Variants in ASPH observed in about 807,000 individuals in gnomAD.
ASPH encodes aspartyl/asparaginyl beta-hydroxylase.
In ASPH, 100 loss-of-function variants were observed where a neutral mutation model predicts 118.4. That is an observed-to-expected ratio of 0.84 (90% confidence interval 0.72 to 1.00). The LOEUF (loss-of-function observed/expected upper bound fraction) is 1.00, where lower values mean the gene tolerates loss of function less well. Among genes scored for constraint, ASPH ranks in the 50% least tolerant of loss-of-function variants. The pLI, the probability that ASPH is intolerant of heterozygous loss-of-function variation, is 0.00. For missense variants in ASPH, 920 were observed against 919.5 expected (o/e 1.00, Z -0.01); for synonymous variants, 315 against 325.6 (o/e 0.97, Z 0.35).
At chr8:61,661,982 C>A in intron 3 of ASPH, 1 of 418,564 alleles carries the variant, frequency 2.4e-6, no homozygotes, top group Non-Finnish European at 4.2e-6. Flanking sequence ...GAGTGGCTAC[C>A]AATGACGTTA....
chr8:61,647,156 C>A (rs1808441565), intron 5 of ASPH, among the ~76,000 whole-genome samples: 1 of 152,124 alleles, frequency 6.6e-6, no homozygotes, highest in African/African-American at 2.4e-5. Flanking sequence ...TCCCAGTCAC[C>A]TAGGGCCATG....
At chr8:61,598,913 A>C (rs1007787139) in intron 14 of ASPH, among the ~76,000 whole-genome samples, 1 of 152,234 alleles carries the variant, frequency 6.6e-6, no homozygotes, top group Admixed American at 6.5e-5. Context: ...CAATGAAAAA[A>C]TTAAGAAGGA....
intron 3 of ASPH, chr8:61,662,976 C>T: frequency 2.0e-6 from 2 of 984,896 alleles, no homozygotes; most frequent in Non-Finnish European, 2.4e-6. Flanking sequence ...TAAAAATTAC[C>T]AGAATGCTCT....
intron 3 of ASPH, among the ~76,000 whole-genome samples, chr8:61,655,260 T>C (rs1813050566): frequency 1.3e-5 from 2 of 152,262 alleles, no homozygotes; most frequent in East Asian, 1.9e-4. Flanking sequence ...TGCACTCCAG[T>C]AGCTGAGTAG....
chr8:61,556,610 T>C (rs1563805922), intron 18 of ASPH, among the ~76,000 whole-genome samples: 1 of 152,256 alleles, frequency 6.6e-6, no homozygotes, highest in Non-Finnish European at 1.5e-5. Context: ...ATATTTCATA[T>C]AAATCACATC....
chr8:61,579,214 A>T, intron 15 of ASPH: 1 of 1,613,436 alleles, frequency 6.2e-7, no homozygotes, highest in Admixed American at 1.7e-5. Flanking sequence ...GCTTCCCTGG[A>T]GGCCGCCATT....
At chr8:61,626,847 T>C (rs1853106658) in intron 13 of ASPH, among the ~76,000 whole-genome samples, 1 of 152,070 alleles carries the variant, frequency 6.6e-6, no homozygotes, top group South Asian at 2.1e-4. Flanking sequence ...TTTTACAATT[T>C]TTTTTTTCAT....
chr8:61,619,070 T>C, intron 13 of ASPH, 51 bp from the exon 14 acceptor site: 1 of 1,265,066 alleles, frequency 7.9e-7, no homozygotes, highest in Non-Finnish European at 1.1e-6. Context: ...CACCATTCAG[T>C]ATCTCAAAAT....
chr8:61,668,258 C>G (rs1475148001), intron 3 of ASPH: 1 of 1,607,864 alleles, frequency 6.2e-7, no homozygotes, highest in Non-Finnish European at 8.5e-7. Flanking sequence ...TTTCTCTTGG[C>G]TACCCCACTG....
At chr8:61,628,268 T>C (rs1853848971) in intron 13 of ASPH, 3 of 308,558 alleles carry the variant, frequency 9.7e-6, no homozygotes, top group South Asian at 8.1e-5. Flanking sequence ...CAAGGAATTC[T>C]TCCACCTCAG....
intron 14 of ASPH, among the ~76,000 whole-genome samples, chr8:61,587,541 TA>T (rs1241124888): frequency 6.6e-6 from 1 of 152,180 alleles, no homozygotes; most frequent in Admixed American, 6.5e-5. Flanking sequence ...AATATTTATT[TA>T]AAAGAAACTA....
intron 3 of ASPH, chr8:61,656,395 T>C (rs1813697361): frequency 6.6e-6 from 1 of 152,202 alleles, no homozygotes; most frequent in Non-Finnish European, 1.5e-5. Flanking sequence ...AGCTTCTTTT[T>C]CAGACAAGGC....
intron 3 of ASPH, among the ~76,000 whole-genome samples, chr8:61,674,566 C>T (rs1039125843): frequency 4.6e-5 from 7 of 152,158 alleles, no homozygotes; most frequent in African/African-American, 9.7e-5. Flanking sequence ...AAAGTAGCTA[C>T]AGAATGTTTG....
intron 1 of ASPH, among the ~76,000 whole-genome samples, chr8:61,686,421 C>T (rs1179160538): frequency 2.6e-5 from 4 of 152,002 alleles, no homozygotes; most frequent in Non-Finnish European, 5.9e-5. Context: ...ACAAATTAAA[C>T]CACTACTAAA....
chr8:61,563,729 TA>T (rs1830733378), intron 17 of ASPH, among the ~76,000 whole-genome samples: 1 of 152,178 alleles, frequency 6.6e-6, no homozygotes, highest in African/African-American at 2.4e-5. Flanking sequence ...ATTTCCTCAC[TA>T]ACAAATCTGG....
chr8:61,684,410 C>A, intron 1 of ASPH: 2 of 481,724 alleles, frequency 4.2e-6, no homozygotes, highest in East Asian at 6.5e-5. Flanking sequence ...GAAATAAACT[C>A]CTGAATTTTT....
intron 13 of ASPH, among the ~76,000 whole-genome samples, chr8:61,622,154 A>G (rs1851185913): frequency 6.6e-6 from 1 of 152,192 alleles, no homozygotes; most frequent in African/African-American, 2.4e-5. Context: ...CCTGGCCAAC[A>G]TGGTGAAACC....
At chr8:61,633,649 A>T (rs1459671074) in intron 13 of ASPH, 34 bp downstream of exon 13, 2 of 1,562,204 alleles carry the variant, frequency 1.3e-6, no homozygotes, top group East Asian at 4.5e-5. Context: ...TAAGGATAAC[A>T]AAAGAGGAAA....
intron 14 of ASPH, among the ~76,000 whole-genome samples, chr8:61,600,682 T>C (rs1843723799): frequency 6.7e-6 from 1 of 150,204 alleles, no homozygotes; most frequent in Admixed American, 6.6e-5. Context: ...AAGAGGAAAA[T>C]TGGAACAAAG....
Sources: gnomAD v4.1 joint callset for allele counts (sites outside exome capture counted in the v4.1 genomes callset) on GRCh38, gnomAD v4.1.1 for gene constraint, MANE v1.5 for transcripts, NCBI Gene and HGNC (gene_info 2026-07-23, HGNC 2026-07-21) for gene names.